Variants in ZMYND8 observed in about 807,000 individuals in gnomAD.
ZMYND8 encodes the protein MYND-type zinc finger-containing chromatin reader ZMYND8.
A neutral mutation model predicts 140.8 loss-of-function variants in ZMYND8; 37 were observed. The observed-to-expected ratio is 0.26, with a 90% CI of 0.20 to 0.35. The LOEUF (loss-of-function observed/expected upper bound fraction) is 0.35. Among genes scored for constraint, ZMYND8 ranks in the 10% least tolerant of loss-of-function variants. The pLI, the probability that ZMYND8 is intolerant of heterozygous loss-of-function variation, is 1.00. For synonymous variants in ZMYND8, 592 were observed against 597.1 expected (o/e 0.99, Z 0.12); for missense variants, 1,068 against 1,570.0 (o/e 0.68, Z 5.40).
chr20:47,343,957 CTTTTTTTTTT>C (rs750832298), intron 2 of ZMYND8, among the ~76,000 whole-genome samples: 1 of 119,962 alleles, frequency 8.3e-6, no homozygotes, highest in African/African-American at 3.3e-5. Context: ...AGTGATAAAT[CTTTTTTTTTT>C]TTTTTTTTTT....
intron 14 of ZMYND8, among the ~76,000 whole-genome samples, chr20:47,244,794 T>C (rs767276236): frequency 3.5e-4 from 53 of 152,208 alleles, no homozygotes; most frequent in Non-Finnish European, 6.6e-4. Context: ...CAGTAGCTCA[T>C]GCCTGTAATC....
At chr20:47,282,710 C>T (rs1205202222) in intron 9 of ZMYND8, among the ~76,000 whole-genome samples, 3 of 141,170 alleles carry the variant, frequency 2.1e-5, no homozygotes, top group Non-Finnish European at 4.5e-5. Flanking sequence ...GGCGACAGAT[C>T]GAAACTCCAT....
chr20:47,350,085 A>G (rs1390710626), intron 1 of ZMYND8: 3 of 1,362,044 alleles, frequency 2.2e-6, no homozygotes, highest in Non-Finnish European at 2.8e-6. Context: ...AGGGAAAAAA[A>G]AGTTAAGCTG....
chr20:47,343,957 CTTTT>C (rs750832298), intron 2 of ZMYND8, among the ~76,000 whole-genome samples: 1 of 119,962 alleles, frequency 8.3e-6, no homozygotes, highest in Non-Finnish European at 1.7e-5. Context: ...AGTGATAAAT[CTTTT>C]TTTTTTTTTT....
At chr20:47,303,744 T>A (rs1358329467) in intron 3 of ZMYND8, among the ~76,000 whole-genome samples, 1 of 151,948 alleles carries the variant, frequency 6.6e-6, no homozygotes, top group East Asian at 1.9e-4. Flanking sequence ...TACATCTCCC[T>A]AACCAGCAAC....
chr20:47,210,952 A>ACTATC, intron 22 of ZMYND8, 55 bp from the exon 23 acceptor site: 1 of 1,587,632 alleles, frequency 6.3e-7, no homozygotes, highest in Admixed American at 1.7e-5. Flanking sequence ...CCTGAGCACA[A>ACTATC]CTATCCTGCA....
At chr20:47,316,089 T>C (rs2079370952) in intron 2 of ZMYND8, among the ~76,000 whole-genome samples, 1 of 152,112 alleles carries the variant, frequency 6.6e-6, no homozygotes, top group Non-Finnish European at 1.5e-5. Flanking sequence ...TCCCAGCACT[T>C]TGGGAGGCCA....
Position 47,246,501 on chromosome 20 carries a change from C to G in ZMYND8, c.1791G>C (p.Ser597=). Reference sequence around the variant, plus strand: ...GCTCTACGGCCGTATAGACATCTTCCGAGATTTCATTTATGCCTAAATTCA... The same window carrying G: ...GCTCTACGGCCGTATAGACATCTTCGGAGATTTCATTTATGCCTAAATTCA... ...CKAQLGINEI[S]EDVYTAVEHS... The change falls in exon 14 of 23, where the codon TCG becomes TCC. Residue 597 remains serine, a synonymous_variant. Transcript: ENST00000471951. 1 of 1,577,122 alleles carries G rather than the reference C, an allele frequency of 6.3e-7. No individual in the cohort carries two copies. The highest frequency in any genetic ancestry group is 8.6e-7 in the Non-Finnish European group (1 of 1,164,220).
rs774884482 is a variant in ZMYND8 at position 47,210,675 on chromosome 20, T to C, written c.*86A>G. ...TGTCATTTTCAAGTCTGAAAGTGGC[T>C]GTTCTCCTGCCTTTGTTGTTTCTTC... On this transcript the variant is annotated 3_prime_UTR_variant, in exon 23 of 23. Coordinates refer to ENST00000471951, the MANE Select transcript of ZMYND8 (RefSeq NM_001281775.3). 10 of 1,610,050 alleles carry C rather than the reference T, an allele frequency of 6.2e-6. No individual in the cohort carries two copies. The South Asian group carries it at 8.8e-5, about 14-fold the overall frequency.
chr20:47,214,662 T>A (rs1239710331), intron 21 of ZMYND8, among the ~76,000 whole-genome samples: 3 of 152,034 alleles, frequency 2.0e-5, no homozygotes, highest in Non-Finnish European at 4.4e-5. Flanking sequence ...CCTAGCTAAT[T>A]TTTTGTACTT....
intron 11 of ZMYND8, 120 bp from the exon 12 acceptor site, chr20:47,262,548 TA>T: frequency 7.3e-7 from 1 of 1,367,606 alleles, no homozygotes; most frequent in East Asian, 2.5e-5. Flanking sequence ...GCAAGGCCGC[TA>T]CAGTATCACG....
At position 47,298,435 on chromosome 20, in the gene ZMYND8, C is replaced by T; in HGVS notation, c.453+294G>A. ...GAGCCGTTCATGATTTGGGAGTTAA[C>T]TTTCAAAAAGTTCATCATAGAAGAT... On this transcript the variant is annotated intron_variant, in intron 4 of 22. Transcript: ENST00000471951. This position sits in a 1 kb window ranked among gnomAD's most constrained non-coding sequence, Gnocchi z 5.0. 3 of 985,406 alleles carry T rather than the reference C, an allele frequency of 3.0e-6. No individual in the cohort carries two copies. In the South Asian group the frequency reaches 1.4e-4, roughly 46 times the overall value. 61.0% of individuals were successfully genotyped at this position (985,406 alleles called of 1,614,324 possible).
intron 4 of ZMYND8, among the ~76,000 whole-genome samples, chr20:47,295,698 T>C (rs549625626): frequency 6.6e-6 from 1 of 152,324 alleles, no homozygotes; most frequent in East Asian, 1.9e-4. Flanking sequence ...CTAACCTAAC[T>C]GTCTATCTCC....
At chr20:47,303,006 C>CT (rs1569145668) in intron 3 of ZMYND8, among the ~76,000 whole-genome samples, 1 of 152,154 alleles carries the variant, frequency 6.6e-6, no homozygotes, top group African/African-American at 2.4e-5. Flanking sequence ...CAGTAATACT[C>CT]TAACACCCTC....
At chr20:47,263,541 T>C (rs1233202240) in intron 11 of ZMYND8, among the ~76,000 whole-genome samples, 1 of 152,196 alleles carries the variant, frequency 6.6e-6, no homozygotes, top group East Asian at 1.9e-4. Flanking sequence ...TAGGCAGCTC[T>C]GGTGCCAGGA....
intron 12 of ZMYND8, among the ~76,000 whole-genome samples, chr20:47,252,676 A>G (rs1242149830): frequency 2.0e-5 from 3 of 152,134 alleles, no homozygotes; most frequent in South Asian, 2.1e-4. Context: ...AATCCCTGCA[A>G]TTGGGAGGCT....
intron 3 of ZMYND8, among the ~76,000 whole-genome samples, chr20:47,308,010 C>T (rs1233109094): frequency 6.7e-6 from 1 of 149,950 alleles, no homozygotes; most frequent in Non-Finnish European, 1.5e-5. Context: ...CCCAGCTACT[C>T]GGGAGGCTGA....
chr20:47,243,496 G>C (rs2040203728), intron 14 of ZMYND8, among the ~76,000 whole-genome samples: 2 of 152,130 alleles, frequency 1.3e-5, no homozygotes, highest in Non-Finnish European at 2.9e-5. Context: ...CAACTAGAAT[G>C]GTTTTTTGTT....
intron 8 of ZMYND8, among the ~76,000 whole-genome samples, chr20:47,286,821 A>G (rs1423639570): frequency 2.6e-5 from 4 of 152,096 alleles, no homozygotes; most frequent in African/African-American, 7.2e-5. Context: ...CACCTGGGCC[A>G]CTCTCCCAGA....
Sources: gnomAD v4.1 joint callset for allele counts (sites outside exome capture counted in the v4.1 genomes callset) on GRCh38, gnomAD v4.1.1 for gene constraint, Gnocchi (gnomAD v3.1) non-coding constraint, MANE v1.5 for transcripts, NCBI Gene and HGNC (gene_info 2026-07-23, HGNC 2026-07-21) for gene names.